FRYL: variants seen among roughly 807,000 people sequenced by gnomAD.
FRYL encodes FRY like transcription coactivator, also known as protein furry homolog-like.
In FRYL, 150 loss-of-function variants were observed where a neutral mutation model predicts 351.2. That is an observed-to-expected ratio of 0.43 (90% confidence interval 0.37 to 0.49). The LOEUF (loss-of-function observed/expected upper bound fraction) is 0.49. Among genes scored for constraint, FRYL ranks in the 20% least tolerant of loss-of-function variants. FRYL has a pLI of 0.00. For missense variants in FRYL, 3,036 were observed against 3,619.3 expected (o/e 0.84, Z 4.13); for synonymous variants, 1,153 against 1,257.1 (o/e 0.92, Z 1.75).
chr4:48,699,966 C>CA (rs572237582), intron 2 of FRYL, among the ~76,000 whole-genome samples: 1 of 151,638 alleles, frequency 6.6e-6, no homozygotes, highest in African/African-American at 2.4e-5. Context: ...AGCAAAAAGA[C>CA]AAAAAAAATT....
chr4:48,681,019 C>A, intron 3 of FRYL: 1 of 1,284,868 alleles, frequency 7.8e-7, no homozygotes, highest in Non-Finnish European at 1.0e-6. Flanking sequence ...TGAAAGTGAG[C>A]TAAGACGTTT....
chr4:48,645,339 C>A (rs1170173261), intron 3 of FRYL, among the ~76,000 whole-genome samples: 1 of 151,720 alleles, frequency 6.6e-6, no homozygotes, highest in African/African-American at 2.4e-5. Flanking sequence ...TTTCTTCGAT[C>A]TTCAGGCTCT....
At chr4:48,773,850 G>C (rs1775755192) in intron 1 of FRYL, among the ~76,000 whole-genome samples, 1 of 152,124 alleles carries the variant, frequency 6.6e-6, no homozygotes, top group Non-Finnish European at 1.5e-5. Flanking sequence ...CCAGCTGGTG[G>C]AGGCTACAGT....
At chr4:48,734,027 G>T (rs1370227334) in intron 1 of FRYL, among the ~76,000 whole-genome samples, 1 of 152,012 alleles carries the variant, frequency 6.6e-6, no homozygotes, top group South Asian at 2.1e-4. Context: ...AAATAGAAAA[G>T]AATAACAAAT....
At chr4:48,639,171 C>T (rs1358877342) in intron 3 of FRYL, among the ~76,000 whole-genome samples, 3 of 151,984 alleles carry the variant, frequency 2.0e-5, no homozygotes, top group Non-Finnish European at 4.4e-5. Context: ...GTCTACCCCC[C>T]AAGTTAATTC....
rs972612065 is a variant in FRYL, at chr4:48,547,145, T to A, written c.5074+439A>T. Among the ~76,000 whole-genome samples, 9 of 152,206 alleles carry A rather than the reference T, an allele frequency of 5.9e-5. No homozygotes were observed. The East Asian group carries it at 1.3e-3, about 23-fold the overall frequency. On this transcript the variant is annotated intron_variant, in intron 41 of 63. Coordinates refer to ENST00000358350, the MANE Select transcript of FRYL (RefSeq NM_015030.2). ...AACATTGACAGTGAAATAAACCATA[T>A]TAAGTCTCATTAACTTGGACTTCAC...
At position 48,626,706 on chromosome 4, in the gene FRYL, T is replaced by A. The variant is rs1463900080; in HGVS notation, c.121-3527A>T. 2.6e-5 allele frequency among the ~76,000 whole-genome samples: 4 copies of A among 152,236 alleles called. No individual in the cohort carries two copies. The South Asian group carries it at 6.2e-4, about 24-fold the overall frequency. On this transcript the variant is annotated intron_variant, in intron 4 of 63. Coordinates refer to ENST00000358350, the MANE Select transcript of FRYL (RefSeq NM_015030.2). ...TATTTTAATTGAAATTTACATTAAATACATATCACAGAAAAAGTCATTCTC... is the reference window on the plus strand; with the variant it reads ...TATTTTAATTGAAATTTACATTAAAAACATATCACAGAAAAAGTCATTCTC...
chr4:48,769,317 C>T (rs1775287062), intron 1 of FRYL, among the ~76,000 whole-genome samples: 1 of 152,124 alleles, frequency 6.6e-6, no homozygotes, highest in African/African-American at 2.4e-5. Flanking sequence ...AAAAAACAAT[C>T]CCATTTGCCC....
At chr4:48,657,353 CTTTT>C (rs371640944) in intron 3 of FRYL, among the ~76,000 whole-genome samples, 1 of 122,380 alleles carries the variant, frequency 8.2e-6, no homozygotes, top group African/African-American at 3.1e-5. Flanking sequence ...CTTTTCTTTT[CTTTT>C]TTTTTTTTTT....
At position 48,557,572 on chromosome 4, in the gene FRYL, C is replaced by T; in HGVS notation, c.4006G>A (p.Asp1336Asn). 3.1e-6 allele frequency: 5 copies of T among 1,614,128 alleles called. No individual in the cohort carries two copies. Among genetic ancestry groups the T allele is most frequent in the Non-Finnish European group, 4.2e-6 (5 of 1,180,024 alleles). The part of the protein sequence containing the change: ...TARRHDEDED[D>N]SLKDRELMVT... ...ATAAGTTCTCGGTCTTTTAAGGAAT[C>T]ATCTTCATCTTCATCATGTCGCCTT... Residue 1336 changes from aspartate (D) to asparagine (N), a missense_variant, in exon 34 of 64, where the codon GAT (aspartate) becomes AAT (asparagine). Asp to Asn is a conservative substitution (Grantham distance 23). Transcript: ENST00000358350.
At chr4:48,644,772 A>C (rs1377165990) in intron 3 of FRYL, among the ~76,000 whole-genome samples, 2 of 152,102 alleles carry the variant, frequency 1.3e-5, no homozygotes, top group Non-Finnish European at 2.9e-5. Flanking sequence ...GAATCTTCTT[A>C]TATAATCAAG....
At position 48,497,702 on chromosome 4, in the gene FRYL, T is replaced by C. The variant is rs1487997459; in HGVS notation, c.*1720A>G. 6.6e-6 allele frequency: 1 copy of C among 152,554 alleles called. No individual in the cohort carries two copies. Among genetic ancestry groups the C allele is most frequent in the Non-Finnish European group, 1.5e-5 (1 of 68,032 alleles). 9.5% of individuals were successfully genotyped at this position (152,554 alleles called of 1,614,324 possible). ...CTCTGCCTGCCCCACACCCAAAAGT[T>C]TTAAATAATTTAAAGGATACCAATT... is the stretch of plus-strand genomic sequence containing the variant. On this transcript the variant is annotated 3_prime_UTR_variant, in exon 64 of 64. Transcript: ENST00000358350.
At chr4:48,720,722 A>G (rs534315590) in intron 1 of FRYL, among the ~76,000 whole-genome samples, 1 of 152,218 alleles carries the variant, frequency 6.6e-6, no homozygotes, top group Non-Finnish European at 1.5e-5. Context: ...TAGGTACCTT[A>G]TGTAAGTAAA....
At chr4:48,619,438 G>T in intron 6 of FRYL, 68 bp from the exon 7 acceptor site, 1 of 767,020 alleles carries the variant, frequency 1.3e-6, no homozygotes, top group Non-Finnish European at 2.1e-6. Context: ...TTAGTTAGTA[G>T]CTCATGTCGC....
intron 3 of FRYL, among the ~76,000 whole-genome samples, chr4:48,664,683 C>A (rs1214816695): frequency 6.6e-6 from 1 of 152,118 alleles, no homozygotes; most frequent in Non-Finnish European, 1.5e-5. Flanking sequence ...ATAGCTCTCA[C>A]GGCATCTTGT....
chr4:48,748,883 A>T (rs976481384), intron 1 of FRYL, among the ~76,000 whole-genome samples: 5 of 152,228 alleles, frequency 3.3e-5, no homozygotes, highest in African/African-American at 4.8e-5. Context: ...AAGTAGTCAG[A>T]ATACAAGTTG....
intron 1 of FRYL, among the ~76,000 whole-genome samples, chr4:48,738,374 G>T (rs1487823978): frequency 1.3e-5 from 2 of 152,082 alleles, no homozygotes; most frequent in Admixed American, 6.5e-5. Context: ...AAACACTTAG[G>T]TATAAACCTA....
At chr4:48,499,949 C>A in intron 63 of FRYL, 81 bp downstream of exon 63, 4 of 1,034,030 alleles carry the variant, frequency 3.9e-6, no homozygotes, top group Non-Finnish European at 5.7e-6. Flanking sequence ...ATGGAAACAG[C>A]AAATTGAAAA....
intron 1 of FRYL, among the ~76,000 whole-genome samples, chr4:48,770,817 T>A (rs1378407915): frequency 1.3e-5 from 2 of 152,158 alleles, no homozygotes; most frequent in Admixed American, 1.3e-4. Context: ...AAGACTCAAT[T>A]TTTTATACTG....
Sources: allele counts gnomAD v4.1 joint callset (sites outside exome capture counted in the v4.1 genomes callset), GRCh38; gene constraint gnomAD v4.1.1; transcripts MANE v1.5; gene names NCBI Gene and HGNC (gene_info 2026-07-23, HGNC 2026-07-21).